BMPR1A: variants seen among roughly 807,000 people sequenced by gnomAD.
BMPR1A encodes bone morphogenetic protein receptor type 1A, also known as bone morphogenetic protein receptor type-1A.
In BMPR1A, 7 loss-of-function variants were observed where a neutral mutation model predicts 66.0. That is an observed-to-expected ratio of 0.11 (90% CI 0.06 to 0.20). The LOEUF (loss-of-function observed/expected upper bound fraction) is 0.20. Among genes scored for constraint, BMPR1A ranks in the 10% least tolerant of loss-of-function variants. The pLI is 1.00. For synonymous variants in BMPR1A, 200 were observed against 229.7 expected (o/e 0.87, Z 1.17); for missense variants, 408 against 669.1 (o/e 0.61, Z 4.31).
intron 7 of BMPR1A, among the ~76,000 whole-genome samples, chr10:86,902,403 T>C (rs1420001608): frequency 6.6e-6 from 1 of 152,046 alleles, no homozygotes; most frequent in East Asian, 1.9e-4. Context: ...ACCTCAGAGC[T>C]ACCTACACTT....
chr10:86,758,506 AT>A (rs1212499854), intron 1 of BMPR1A, among the ~76,000 whole-genome samples: 3 of 151,190 alleles, frequency 2.0e-5, no homozygotes, highest in African/African-American at 7.3e-5. Flanking sequence ...TGTTCTTAAG[AT>A]TTTTTCAGTT....
At chr10:86,839,457 A>T (rs1842395120) in intron 2 of BMPR1A, among the ~76,000 whole-genome samples, 2 of 152,000 alleles carry the variant, frequency 1.3e-5, no homozygotes, top group South Asian at 4.1e-4. Flanking sequence ...GCTGAGCATG[A>T]TGGCCTAAGC....
At chr10:86,812,219 C>T (rs944186505) in intron 1 of BMPR1A, among the ~76,000 whole-genome samples, 3 of 152,154 alleles carry the variant, frequency 2.0e-5, no homozygotes, top group Admixed American at 1.3e-4. Flanking sequence ...CCTACTTCAC[C>T]CCAACTCTGG....
intron 1 of BMPR1A, among the ~76,000 whole-genome samples, chr10:86,804,792 G>GTTTTT (rs5786747): frequency 2.3e-4 from 13 of 57,256 alleles, no homozygotes; most frequent in African/African-American, 4.1e-4. Flanking sequence ...GTTTGTAGGT[G>GTTTTT]TTTTTTTTTT....
At chr10:86,931,278 T>TGCACACACACAC (rs1358738995), downstream of BMPR1A, 6 of 104,776 alleles carry the variant, frequency 5.7e-5, no homozygotes, top group African/African-American at 1.1e-4. Context: ...TATATATATA[T>TGCACACACACAC]ATACACACAC....
At chr10:86,881,360 T>G (rs1564712027) in intron 3 of BMPR1A, among the ~76,000 whole-genome samples, 1 of 152,242 alleles carries the variant, frequency 6.6e-6, no homozygotes, top group Non-Finnish European at 1.5e-5. Context: ...TAACATGAAC[T>G]GTGCCACCTG....
chr10:86,921,086 T>G (rs1234501837), intron 10 of BMPR1A, among the ~76,000 whole-genome samples: 1 of 152,104 alleles, frequency 6.6e-6, no homozygotes, highest in African/African-American at 2.4e-5. Flanking sequence ...ACACCTGACC[T>G]CAGGTGATGC....
intron 11 of BMPR1A, 68 bp downstream of exon 11, chr10:86,921,763 T>C: frequency 1.9e-6 from 3 of 1,605,190 alleles, no homozygotes; most frequent in East Asian, 2.2e-5. Context: ...GCTCCAGTTA[T>C]ATAACTTTTT....
intron 3 of BMPR1A, among the ~76,000 whole-genome samples, chr10:86,876,569 G>A (rs1413220978): frequency 6.6e-6 from 1 of 152,122 alleles, no homozygotes; most frequent in Non-Finnish European, 1.5e-5. Context: ...GGATCATGAG[G>A]TCAGGAGTTC....
intron 1 of BMPR1A, among the ~76,000 whole-genome samples, chr10:86,785,661 T>C (rs1413761274): frequency 1.3e-5 from 2 of 152,174 alleles, no homozygotes; most frequent in Non-Finnish European, 2.9e-5. Flanking sequence ...TCAAATTCTG[T>C]GTCTCCTCAT....
At chr10:86,764,896 C>G (rs921807602) in intron 1 of BMPR1A, among the ~76,000 whole-genome samples, 2 of 152,142 alleles carry the variant, frequency 1.3e-5, no homozygotes, top group African/African-American at 4.8e-5. Flanking sequence ...TGAGATGATA[C>G]TGTTAGGGAT....
intron 1 of BMPR1A, among the ~76,000 whole-genome samples, chr10:86,793,094 A>ACTCCC (rs1841653117): frequency 9.4e-6 from 1 of 106,032 alleles, no homozygotes; most frequent in Non-Finnish European, 1.9e-5. Context: ...CCTGATCTAT[A>ACTCCC]CCCCCCCCCA....
At chr10:86,812,647 G>A (rs1223918077) in intron 1 of BMPR1A, among the ~76,000 whole-genome samples, 1 of 152,166 alleles carries the variant, frequency 6.6e-6, no homozygotes, top group Non-Finnish European at 1.5e-5. Context: ...TTTAAAAACA[G>A]ACTGTTTCTT....
chr10:86,876,023 C>T lies in BMPR1A; in HGVS notation c.5C>T (p.Pro2Leu), dbSNP rs143248687. 2.1e-5 allele frequency: 33 copies of T among 1,608,210 alleles called. No individual in the cohort carries two copies. Among genetic ancestry groups the T allele is most frequent in the African/African-American group, 5.4e-5 (4 of 74,418 alleles). ...AGGAAACATTACAATTGAACAATGCCTCAGCTATACATTTACATCAGATTA... is the reference window on the plus strand; with the variant it reads ...AGGAAACATTACAATTGAACAATGCTTCAGCTATACATTTACATCAGATTA... M[P>L]QLYIYIRLLG... is the part of the protein sequence containing the mutation. Residue 2 changes from proline (P) to leucine (L), a missense_variant, in exon 3 of 13, where the codon CCT becomes CTT. By Grantham distance (98) the Pro-to-Leu change is moderately conservative. Coordinates refer to ENST00000372037, the MANE Select transcript of BMPR1A (RefSeq NM_004329.3).
intron 2 of BMPR1A, among the ~76,000 whole-genome samples, chr10:86,864,407 C>T (rs1842752861): frequency 6.6e-6 from 1 of 152,212 alleles, no homozygotes. Flanking sequence ...TCACGACCTT[C>T]CGTAGCCTGT....
At chr10:86,763,643 T>G (rs977203311) in intron 1 of BMPR1A, among the ~76,000 whole-genome samples, 2 of 152,204 alleles carry the variant, frequency 1.3e-5, no homozygotes, top group Admixed American at 1.3e-4. Context: ...GGCTTATGCC[T>G]GCGGTGCCCT....
intron 5 of BMPR1A, among the ~76,000 whole-genome samples, chr10:86,897,526 T>A (rs1042528981): frequency 6.6e-6 from 1 of 152,176 alleles, no homozygotes; most frequent in African/African-American, 2.4e-5. Context: ...GGAAGGGAAG[T>A]TAATTTATTG....
Position 86,885,379 on chromosome 10 carries a change from G to A in BMPR1A, c.68-4683G>A, listed in dbSNP as rs1843055706. 1.3e-5 allele frequency among the ~76,000 whole-genome samples: 2 copies of A among 152,310 alleles called. 1 individual carries two copies. The highest frequency in any genetic ancestry group is 1.3e-4 in the Admixed American group (2 of 15,298). On this transcript the variant is annotated intron_variant, in intron 3 of 12. Coordinates refer to ENST00000372037, the MANE Select transcript of BMPR1A (RefSeq NM_004329.3). The stretch of plus-strand genomic sequence containing the variant: ...TGCATTGTGTCGGCAGAATTGAATA[G>A]TTGTGACAGAGACCTTGGGGCCCAC...
intron 1 of BMPR1A, among the ~76,000 whole-genome samples, chr10:86,824,081 T>TG (rs1842157809): frequency 1.1e-5 from 1 of 94,036 alleles, no homozygotes; most frequent in African/African-American, 2.9e-5. Context: ...TTACCAAGGG[T>TG]TGTGTGTGTG....
Sources: gnomAD v4.1 joint callset for allele counts (sites outside exome capture counted in the v4.1 genomes callset) on GRCh38, gnomAD v4.1.1 for gene constraint, MANE v1.5 for transcripts, NCBI Gene and HGNC (gene_info 2026-07-23, HGNC 2026-07-21) for gene names.